The following ERBB4 variants were observed in gnomAD, a reference collection of about 807,000 sequenced individuals.
ERBB4 encodes the protein receptor tyrosine-protein kinase erbB-4.
In ERBB4, 42 loss-of-function variants were observed where a neutral mutation model predicts 158.0. That is an observed-to-expected ratio of 0.27 (90% confidence interval 0.21 to 0.34). ERBB4 has a LOEUF of 0.34. Ranked by LOEUF, ERBB4 falls within the 10% of genes least tolerant of loss-of-function variation. ERBB4 has a pLI of 1.00. For synonymous variants in ERBB4, 583 were observed against 558.7 expected, an observed-to-expected ratio of 1.04 and a Z score of -0.61; for missense variants, 1,333 against 1,624.1, an observed-to-expected ratio of 0.82 and a Z score of 3.08.
chr2:212,485,275 C>A (rs1221662923), intron 1 of ERBB4, among the ~76,000 whole-genome samples: 1 of 152,152 alleles, frequency 6.6e-6, no homozygotes, highest in African/African-American at 2.4e-5. Context: ...ATCTTTATTT[C>A]CAGTTCTTTA....
At chr2:212,181,213 A>C (rs972070312) in intron 1 of ERBB4, among the ~76,000 whole-genome samples, 1 of 151,612 alleles carries the variant, frequency 6.6e-6, no homozygotes, top group Non-Finnish European at 1.5e-5. Context: ...GATTTATGAT[A>C]AACTTTAAAC....
chr2:212,159,385 CT>C (rs1380222518), intron 1 of ERBB4, among the ~76,000 whole-genome samples: 1 of 151,078 alleles, frequency 6.6e-6, no homozygotes, highest in African/African-American at 2.4e-5. Flanking sequence ...TTCTCAATGT[CT>C]AAAATGGACA....
chr2:211,852,152 T>C (rs1442475898), intron 3 of ERBB4, among the ~76,000 whole-genome samples: 1 of 151,940 alleles, frequency 6.6e-6, no homozygotes, highest in African/African-American at 2.4e-5. Context: ...CTTCAAATTT[T>C]AATTCATTTA....
At chr2:212,129,003 G>A (rs541056995) in intron 1 of ERBB4, among the ~76,000 whole-genome samples, 1 of 151,932 alleles carries the variant, frequency 6.6e-6, no homozygotes, top group African/African-American at 2.4e-5. Context: ...CTAATAAAAT[G>A]ACTGTTGAGA....
intron 1 of ERBB4, among the ~76,000 whole-genome samples, chr2:212,427,988 G>A (rs77523246): frequency 6.6e-6 from 1 of 152,100 alleles, no homozygotes; most frequent in East Asian, 1.9e-4. Context: ...CAGAAATACA[G>A]AACTGAGAAA....
At chr2:211,702,273 C>A in intron 11 of ERBB4, 107 bp from the exon 12 acceptor site, 2 of 843,494 alleles carry the variant, frequency 2.4e-6, no homozygotes, top group South Asian at 2.8e-5. Context: ...TAAATGGAAA[C>A]TGAATCAATA....
chr2:212,171,369 CT>C (rs1299401004), intron 1 of ERBB4, among the ~76,000 whole-genome samples: 1 of 151,584 alleles, frequency 6.6e-6, no homozygotes, highest in Non-Finnish European at 1.5e-5. Flanking sequence ...GAGTACTTGC[CT>C]TGTCTCAGAT....
chr2:211,703,131 GTT>G (rs890754511), intron 11 of ERBB4, among the ~76,000 whole-genome samples: 10 of 151,054 alleles, frequency 6.6e-5, no homozygotes, highest in African/African-American at 2.5e-4. Context: ...GTGTGTGTGT[GTT>G]TGTGTGTATG....
intron 3 of ERBB4, among the ~76,000 whole-genome samples, chr2:211,847,556 C>G (rs1230087651): frequency 6.6e-6 from 1 of 152,146 alleles, no homozygotes; most frequent in Non-Finnish European, 1.5e-5. Context: ...AACCTGCAGT[C>G]CACAGGCCAC....
At chr2:211,484,106 G>A (rs1166503077) in intron 20 of ERBB4, among the ~76,000 whole-genome samples, 1 of 152,036 alleles carries the variant, frequency 6.6e-6, no homozygotes, top group Non-Finnish European at 1.5e-5. Flanking sequence ...CTTAAAGATA[G>A]ACTGATAAAT....
intron 1 of ERBB4, among the ~76,000 whole-genome samples, chr2:212,191,975 T>C (rs1396912303): frequency 9.7e-6 from 1 of 102,712 alleles, no homozygotes; most frequent in African/African-American, 3.6e-5. Flanking sequence ...TGTTATATGT[T>C]ATATATGTTA....
intron 12 of ERBB4, among the ~76,000 whole-genome samples, chr2:211,692,711 A>G (rs551778581): frequency 3.3e-5 from 5 of 152,242 alleles, no homozygotes; most frequent in African/African-American, 1.2e-4. Context: ...ACGTGTGATT[A>G]TATTTGTAAC....
At chr2:211,709,816 A>G (rs1473138534) in intron 9 of ERBB4, among the ~76,000 whole-genome samples, 2 of 152,114 alleles carry the variant, frequency 1.3e-5, no homozygotes, top group Non-Finnish European at 2.9e-5. Flanking sequence ...GTCGAGAAGC[A>G]ATTTACTCCA....
chr2:211,460,341 T>C (rs1365017255), intron 20 of ERBB4, among the ~76,000 whole-genome samples: 3 of 152,192 alleles, frequency 2.0e-5, no homozygotes, highest in African/African-American at 7.2e-5. Flanking sequence ...ACTTCAGTAT[T>C]ACACATGAAG....
chr2:211,672,832 A>G (rs1316827155), intron 14 of ERBB4, among the ~76,000 whole-genome samples: 1 of 152,166 alleles, frequency 6.6e-6, no homozygotes, highest in Non-Finnish European at 1.5e-5. Flanking sequence ...TTGTGTTTCT[A>G]TAACAATTTA....
intron 5 of ERBB4, among the ~76,000 whole-genome samples, chr2:211,730,341 C>T (rs1559465939): frequency 6.6e-6 from 1 of 151,914 alleles, no homozygotes; most frequent in Non-Finnish European, 1.5e-5. Context: ...GCACTGACAT[C>T]ACAGTGACAA....
intron 2 of ERBB4, among the ~76,000 whole-genome samples, chr2:212,120,752 T>C (rs1038771963): frequency 5.3e-5 from 8 of 152,312 alleles, no homozygotes; most frequent in African/African-American, 1.9e-4. Flanking sequence ...ATTGATCCTC[T>C]AAATACATCA....
At chr2:212,058,078 G>A (rs113764500) in intron 2 of ERBB4, among the ~76,000 whole-genome samples, 22 of 151,798 alleles carry the variant, frequency 1.4e-4, no homozygotes, top group African/African-American at 3.9e-4. Flanking sequence ...TCAAATAGAC[G>A]CAGACGCAAT....
intron 27 of ERBB4, 40 bp downstream of exon 27, chr2:211,386,813 A>C: frequency 2.5e-6 from 4 of 1,602,720 alleles, no homozygotes; most frequent in Non-Finnish European, 3.4e-6. Flanking sequence ...GATGGAAGTG[A>C]ACTTCGAATG....
Sources: gnomAD v4.1 joint callset for allele counts (sites outside exome capture counted in the v4.1 genomes callset) on GRCh38, gnomAD v4.1.1 for gene constraint, MANE v1.5 for transcripts, NCBI Gene and HGNC (gene_info 2026-07-23, HGNC 2026-07-21) for gene names.